HELLS: variants seen among roughly 807,000 people sequenced by gnomAD.
HELLS encodes helicase, lymphoid specific, also known as lymphoid-specific helicase.
In HELLS, 32 loss-of-function variants were observed where a neutral mutation model predicts 120.0. The observed-to-expected ratio is 0.27, with a 90% CI of 0.20 to 0.36. The LOEUF is 0.36. HELLS is among the 10% of genes least tolerant of loss of function. The probability of loss-of-function intolerance (pLI) is 1.00; values close to 1 mark genes in which losing one functional copy is unlikely to be tolerated. For missense variants in HELLS, 650 were observed against 993.4 expected, an observed-to-expected ratio of 0.65 and a Z score of 4.65; for synonymous variants, 341 against 323.4, an observed-to-expected ratio of 1.05 and a Z score of -0.58.
intron 17 of HELLS, among the ~76,000 whole-genome samples, chr10:94,593,286 T>G (rs191541921): frequency 6.6e-6 from 1 of 152,346 alleles, no homozygotes; most frequent in African/African-American, 2.4e-5. Context: ...GATACATGGT[T>G]TTTAACAAAA....
rs145083424 is a variant in HELLS at position 94,593,903 on chromosome 10, C to T, written c.2088+288C>T. ...TCTTGAATCCTGACCTCAGGTGATCCGCCCACCTCGGCCTCCCAAAGTGCT... is the reference window on the plus strand; with the variant it reads ...TCTTGAATCCTGACCTCAGGTGATCTGCCCACCTCGGCCTCCCAAAGTGCT... On this transcript the variant is annotated intron_variant, in intron 18 of 21. Coordinates refer to ENST00000348459, the MANE Select transcript of HELLS (RefSeq NM_018063.5). Among the ~76,000 whole-genome samples, 703 of 151,848 alleles carry T rather than the reference C, an allele frequency of 4.6e-3. 6 individuals carry two copies. Among genetic ancestry groups the T allele is most frequent in the African/African-American group, 0.016 (668 of 41,450 alleles).
chr10:94,551,749 T>C (rs1446909874), intron 2 of HELLS, among the ~76,000 whole-genome samples: 1 of 151,750 alleles, frequency 6.6e-6, no homozygotes, highest in Non-Finnish European at 1.5e-5. Flanking sequence ...TCTTTTCTTT[T>C]TTTTTTTTGA....
chr10:94,558,196 G>T lies in HELLS; in HGVS notation c.333+1G>T. 6.4e-7 allele frequency: 1 copy of T among 1,557,362 alleles called. No homozygotes were observed. The highest frequency in any genetic ancestry group is 8.6e-7 in the Non-Finnish European group (1 of 1,159,800). On this transcript the variant is annotated splice_donor_variant, in intron 4 of 21. Coordinates refer to ENST00000348459, the MANE Select transcript of HELLS (RefSeq NM_018063.5). LOFTEE classifies it high-confidence loss of function. Reference sequence around the variant, plus strand: ...AAAGGAGTCTTTAAAAGTTAAAAAGGTAATATAGCCAGCCGGAATATTTTT... The same window carrying T: ...AAAGGAGTCTTTAAAAGTTAAAAAGTTAATATAGCCAGCCGGAATATTTTT...
exon 10 of HELLS, chr10:94,613,020 A>G (rs1223625212): frequency 6.6e-6 from 1 of 152,202 alleles, no homozygotes; most frequent in African/African-American, 2.4e-5. Context: ...ACTCACTACT[A>G]TATTTTGGAG....
chr10:94,581,156 A>T (rs1299098445), intron 10 of HELLS, among the ~76,000 whole-genome samples, 170 bp from the exon 11 acceptor site: 1 of 152,190 alleles, frequency 6.6e-6, no homozygotes, highest in African/African-American at 2.4e-5. Flanking sequence ...AGTTTTAGGA[A>T]TCCTTGTAAG....
Position 94,601,533 on chromosome 10 carries a change from A to C in HELLS, c.2428A>C (p.Met810Leu), listed in dbSNP as rs1846031428. The change falls in exon 22 of 22, where the codon ATG (methionine) becomes CTG (leucine). Residue 810 changes from methionine to leucine, a missense_variant. Met to Leu is a conservative substitution (Grantham distance 15). Transcript: ENST00000348459. ...LLDRSDLIDQMNASGPIKEKM... is the reference protein window; with the variant it reads ...LLDRSDLIDQLNASGPIKEKM... ...TTTTAATGTTTTTCCCTTAGATCAAATGAATGCTTCAGGACCAATTAAAGA... is the reference window on the plus strand; with the variant it reads ...TTTTAATGTTTTTCCCTTAGATCAACTGAATGCTTCAGGACCAATTAAAGA... 6.6e-7 allele frequency: 1 copy of C among 1,511,744 alleles called. No homozygotes were observed. The highest frequency in any genetic ancestry group is 9.1e-7 in the Non-Finnish European group (1 of 1,095,464). 93.6% of individuals were successfully genotyped at this position (1,511,744 alleles called of 1,614,324 possible). A position where few individuals can be genotyped will look rare whatever the true frequency, so the allele number is the denominator to read the frequency against.
chr10:94,567,487 G>A lies in HELLS; in HGVS notation c.436-3901G>A, dbSNP rs1843875874. Among the ~76,000 whole-genome samples the A allele has an allele frequency of 2.0e-5, 3 of 152,044 alleles. No homozygotes were observed. In the South Asian group the frequency reaches 6.2e-4, roughly 32 times the overall value. On this transcript the variant is annotated intron_variant, in intron 6 of 21. Coordinates refer to ENST00000348459, the MANE Select transcript of HELLS (RefSeq NM_018063.5). ...CAAATTTTGTATTTTTAGTAGAGAC[G>A]GGGTTTCTCCATGTTGGTCAGGCTG...
intron 8 of HELLS, among the ~76,000 whole-genome samples, chr10:94,607,474 C>T (rs978003519): frequency 6.6e-5 from 10 of 152,190 alleles, no homozygotes; most frequent in African/African-American, 2.4e-4. Context: ...GAAACAAATA[C>T]TCCCTGTCTT....
intron 21 of HELLS, 102 bp from the exon 22 acceptor site, chr10:94,601,426 G>T: frequency 1.5e-6 from 1 of 672,062 alleles, no homozygotes. Flanking sequence ...TTATAATTTT[G>T]GACAGATGAC....
chr10:94,580,183 AC>A (rs1275799335), intron 10 of HELLS, among the ~76,000 whole-genome samples: 119 of 93,652 alleles, frequency 1.3e-3, no homozygotes, highest in Non-Finnish European at 1.7e-3. Flanking sequence ...ACACACACAC[AC>A]ATTTTTTTTT....
chr10:94,596,254 G>A lies in HELLS; in HGVS notation c.2249-606G>A, dbSNP rs150761176. 7.8e-4 allele frequency among the ~76,000 whole-genome samples: 119 copies of A among 152,210 alleles called. 1 individual carries two copies. Among genetic ancestry groups the A allele is most frequent in the Non-Finnish European group, 1.4e-3 (97 of 68,020 alleles). ...GATCTTAAATGTACAGGTTAATGAA[G>A]TTTGACCAGATTTATGTACTCCTAT... On this transcript the variant is annotated intron_variant, in intron 19 of 21. Coordinates refer to ENST00000348459, the MANE Select transcript of HELLS (RefSeq NM_018063.5).
chr10:94,567,222 A>T (rs1843848935), intron 6 of HELLS, among the ~76,000 whole-genome samples: 1 of 151,978 alleles, frequency 6.6e-6, no homozygotes, highest in Non-Finnish European at 1.5e-5. Context: ...TCAATTATAG[A>T]TACATTGTGT....
intron 4 of HELLS, among the ~76,000 whole-genome samples, chr10:94,559,029 C>G (rs180831275): frequency 6.6e-5 from 10 of 152,234 alleles, no homozygotes; most frequent in Admixed American, 5.9e-4. Context: ...GTGAATTCGC[C>G]TACTCACTTA....
chr10:94,556,613 C>G (rs1843278097), intron 3 of HELLS, among the ~76,000 whole-genome samples: 1 of 152,132 alleles, frequency 6.6e-6, no homozygotes, highest in Non-Finnish European at 1.5e-5. Flanking sequence ...CTCGCCCGTC[C>G]CTACCCCATG....
rs1350651448 is a variant in HELLS at position 94,563,878 on chromosome 10, T to C, written c.435+1002T>C. Among the ~76,000 whole-genome samples, 3 of 151,572 alleles carry C rather than the reference T, an allele frequency of 2.0e-5. No individual in the cohort carries two copies. In the East Asian group the frequency reaches 5.8e-4, roughly 29 times the overall value. On this transcript the variant is annotated intron_variant, in intron 6 of 21. Coordinates refer to ENST00000348459, the MANE Select transcript of HELLS (RefSeq NM_018063.5). ...CAGGCTGGAATGCAATGGTGCGATC[T>C]AGGCTTACCGCATCCTCCGCTTCCC...
chr10:94,557,623 T>A (rs1843333448), intron 3 of HELLS, among the ~76,000 whole-genome samples: 1 of 152,216 alleles, frequency 6.6e-6, no homozygotes, highest in Admixed American at 6.5e-5. Context: ...TTCTTTCTGG[T>A]GACTCTTCTC....
intron 1 of HELLS, 128 bp from the exon 2 acceptor site, chr10:94,546,248 GC>G: frequency 9.1e-7 from 1 of 1,099,520 alleles, no homozygotes; most frequent in Non-Finnish European, 1.3e-6. Context: ...GAGAGGTGAT[GC>G]TGGCGTCCCC....
chr10:94,573,941 A>C lies in HELLS; in HGVS notation c.478-19A>C. 1 of 1,461,586 alleles carries C rather than the reference A, an allele frequency of 6.8e-7. No homozygotes were observed. The highest frequency in any genetic ancestry group is 9.5e-7 in the Non-Finnish European group (1 of 1,051,794). The allele number at this position is 1,461,586 out of a possible 1,614,324, so 90.5% of individuals were successfully genotyped here. A position where few individuals can be genotyped will look rare whatever the true frequency, so the allele number is the denominator to read the frequency against. ...AGCATTTTGTATAACACATCTTATT[A>C]AACTTTTTTTCTCTACAGGATGAAA... On this transcript the variant is annotated intron_variant, in intron 7 of 21. Coordinates refer to ENST00000348459, the MANE Select transcript of HELLS (RefSeq NM_018063.5).
intron 21 of HELLS, among the ~76,000 whole-genome samples, chr10:94,598,576 T>C (rs1354296640): frequency 4.0e-5 from 6 of 151,890 alleles, no homozygotes; most frequent in African/African-American, 7.2e-5. Flanking sequence ...CTGTGTCTTA[T>C]TGAATCAAAA....
Sources: gnomAD v4.1 joint callset for allele counts (sites outside exome capture counted in the v4.1 genomes callset) on GRCh38, gnomAD v4.1.1 for gene constraint, MANE v1.5 for transcripts, NCBI Gene and HGNC (gene_info 2026-07-23, HGNC 2026-07-21) for gene names.